CHEK2: variants seen among roughly 807,000 people sequenced by gnomAD.
CHEK2 encodes the protein checkpoint kinase 2.
CHEK2 carries 71 observed loss-of-function variants against 69.1 expected under a neutral mutation model. The observed-to-expected ratio is 1.03, with a 90% confidence interval of 0.85 to 1.25. CHEK2 has a LOEUF of 1.25. Ranked by LOEUF, CHEK2 falls within the 50% of genes most tolerant of loss-of-function variation. CHEK2 has a pLI of 0.00. For synonymous variants in CHEK2, 189 were observed against 226.9 expected (o/e 0.83, Z 1.50); for missense variants, 664 against 649.6 (o/e 1.02, Z -0.24).
chr22:28,717,232 G>A (rs2053616908), intron 5 of CHEK2, among the ~76,000 whole-genome samples: 1 of 152,020 alleles, frequency 6.6e-6, no homozygotes, highest in African/African-American at 2.4e-5. Flanking sequence ...CAAAAAATTA[G>A]CTGGGTGTGG....
chr22:28,706,374 G>A (rs568752933), intron 7 of CHEK2, among the ~76,000 whole-genome samples: 2 of 152,100 alleles, frequency 1.3e-5, no homozygotes, highest in Non-Finnish European at 1.5e-5. Flanking sequence ...CATTACCTCT[G>A]GGTAGGATGG....
intron 9 of CHEK2, among the ~76,000 whole-genome samples, chr22:28,697,609 C>G (rs2145823314): frequency 6.6e-6 from 1 of 151,644 alleles, no homozygotes; most frequent in South Asian, 2.1e-4. Context: ...TCACTCTGTC[C>G]CCCAGGCTGA....
At chr22:28,690,628 CAA>C (rs35236854) in intron 13 of CHEK2, among the ~76,000 whole-genome samples, 17,883 of 87,840 alleles carry the variant, frequency 0.2, 1,271 homozygotes, top group African/African-American at 0.28. Flanking sequence ...ACACTGTCTC[CAA>C]AAAAAAAAAA....
chr22:28,688,838 C>T (rs536130738), intron 14 of CHEK2, among the ~76,000 whole-genome samples: 1 of 152,286 alleles, frequency 6.6e-6, no homozygotes, highest in East Asian at 1.9e-4. Flanking sequence ...TTAATTTGTT[C>T]AACAAATTTA....
intron 4 of CHEK2, among the ~76,000 whole-genome samples, chr22:28,723,511 T>G (rs1051958383): frequency 7.5e-6 from 1 of 134,102 alleles, no homozygotes; most frequent in Non-Finnish European, 1.5e-5. Flanking sequence ...GGCAGGAGAA[T>G]GGCGTGAACC....
At chr22:28,691,515 C>A (rs1386593498) in intron 13 of CHEK2, among the ~76,000 whole-genome samples, 7 of 152,270 alleles carry the variant, frequency 4.6e-5, no homozygotes. Flanking sequence ...TGATTTTCTT[C>A]ATGATGTCTA....
At chr22:28,689,483 C>A (rs931170322) in intron 13 of CHEK2, 3 of 424,872 alleles carry the variant, frequency 7.1e-6, no homozygotes, top group African/African-American at 4.1e-5. Context: ...CAGCCTCCAG[C>A]AGTCAAGAGT....
chr22:28,736,717 A>G lies in CHEK2; in HGVS notation c.-6-1990T>C, dbSNP rs535016118. Among the ~76,000 whole-genome samples, 235 of 152,148 alleles carry G rather than the reference A, an allele frequency of 1.5e-3. 1 individual carries two copies. Among genetic ancestry groups the G allele is most frequent in the African/African-American group, 5.4e-3 (224 of 41,522 alleles). On this transcript the variant is annotated intron_variant, in intron 1 of 14. Transcript: ENST00000404276. ...CACTTTGGGAGGCCAAGGCAAGAGG[A>G]CCACTTGAGGCCACGAGTTCAATAC...
chr22:28,712,181 G>T, intron 5 of CHEK2, 164 bp from the exon 6 acceptor site: 1 of 653,198 alleles, frequency 1.5e-6, no homozygotes, highest in Middle Eastern at 2.9e-4. Flanking sequence ...AGTGTAAAAT[G>T]TCAAGGGCTT....
At chr22:28,737,113 A>G in intron 1 of CHEK2, 1 of 307,776 alleles carries the variant, frequency 3.2e-6, no homozygotes, top group South Asian at 3.2e-5. Flanking sequence ...AAACAACACT[A>G]TAGTAGTCCC....
intron 10 of CHEK2, 92 bp from the exon 11 acceptor site, chr22:28,695,965 G>C (rs2145808923): frequency 1.0e-6 from 1 of 986,706 alleles, no homozygotes; most frequent in Non-Finnish European, 1.6e-6. Context: ...ACGTAGGCTA[G>C]ATCAGTTTCT....
At chr22:28,734,825 G>C in intron 1 of CHEK2, 98 bp from the exon 2 acceptor site, 31 of 662,054 alleles carry the variant, frequency 4.7e-5, no homozygotes, top group East Asian at 9.3e-5. Context: ...CAAAAGAAAA[G>C]AAAAAAAAAA....
intron 9 of CHEK2, 30 bp from the exon 10 acceptor site, chr22:28,697,017 A>G (rs780408916): frequency 8.1e-6 from 11 of 1,350,970 alleles, no homozygotes; most frequent in African/African-American, 1.4e-5. Flanking sequence ...TGACCCTCAG[A>G]TTCATGCAGT....
chr22:28,709,567 C>G (rs1461988945), intron 7 of CHEK2, among the ~76,000 whole-genome samples: 1 of 152,138 alleles, frequency 6.6e-6, no homozygotes, highest in Non-Finnish European at 1.5e-5. Flanking sequence ...TGTGAATGTA[C>G]ACATAAGTTA....
In CHEK2 at chr22:28,695,237, C is replaced by T. The variant is rs549755590; in HGVS notation, c.1265G>A (p.Ser422Asn). The T allele has an allele frequency of 1.8e-5, 29 of 1,575,856 alleles. No homozygotes were observed. The highest frequency in any genetic ancestry group is 2.4e-5 in the Non-Finnish European group (27 of 1,145,482). ...SLGVILFICL[S>N]GYPPFSEHRT... ...ATGCTCAGAGAAAGGTGGATACCCACTAAGGCTTAATATTGGTAGAGAGAG... is the reference window on the plus strand; with the variant it reads ...ATGCTCAGAGAAAGGTGGATACCCATTAAGGCTTAATATTGGTAGAGAGAG... The change falls in exon 12 of 15, where the codon AGT becomes AAT. Residue 422 changes from serine to asparagine, a missense_variant. Physicochemically the swap from Ser to Asn is conservative, Grantham distance 46. Coordinates refer to ENST00000404276, the MANE Select transcript of CHEK2 (RefSeq NM_007194.4).
intron 2 of CHEK2, among the ~76,000 whole-genome samples, chr22:28,732,680 T>C (rs1035105964): frequency 6.6e-6 from 1 of 152,160 alleles, no homozygotes; most frequent in African/African-American, 2.4e-5. Context: ...AGACATGAAA[T>C]AAAACAAGGA....
intron 1 of CHEK2, among the ~76,000 whole-genome samples, chr22:28,740,156 G>A (rs565353901): frequency 1.3e-5 from 2 of 152,256 alleles, no homozygotes; most frequent in African/African-American, 4.8e-5. Context: ...AGCCGAGATC[G>A]CACCACTGCA....
At chr22:28,728,223 G>C (rs564109833) in intron 2 of CHEK2, 1 of 152,196 alleles carries the variant, frequency 6.6e-6, no homozygotes, top group South Asian at 2.1e-4. Context: ...AAAGAGACAA[G>C]ACTCAAATTA....
At position 28,695,333 on chromosome 22, in the gene CHEK2, A is replaced by G. The variant is rs538526081; in HGVS notation, c.1260-91T>C. On this transcript the variant is annotated intron_variant, in intron 11 of 14. Coordinates refer to ENST00000404276, the MANE Select transcript of CHEK2 (RefSeq NM_007194.4). ...AAGATTTCTTTTTCAGCATAATGAAAAGTCAGATTTTTCTTTAAATCAATG... is the reference window on the plus strand; with the variant it reads ...AAGATTTCTTTTTCAGCATAATGAAGAGTCAGATTTTTCTTTAAATCAATG... 63 of 796,910 alleles carry G rather than the reference A, an allele frequency of 7.9e-5. No individual in the cohort carries two copies. The East Asian group carries it at 1.6e-3, about 20-fold the overall frequency. 49.4% of individuals were successfully genotyped at this position (796,910 alleles called of 1,614,324 possible).
Sources: gnomAD v4.1 joint callset for allele counts (sites outside exome capture counted in the v4.1 genomes callset) on GRCh38, gnomAD v4.1.1 for gene constraint, MANE v1.5 for transcripts, NCBI Gene and HGNC (gene_info 2026-07-23, HGNC 2026-07-21) for gene names.